Variants in WWOX observed in about 807,000 individuals in gnomAD.
WWOX encodes WW domain-containing oxidoreductase.
WWOX carries 69 observed loss-of-function variants against 46.2 expected under a neutral mutation model. The ratio of observed to expected loss-of-function variants is 1.49; its 90% CI spans 1.23 to 1.82. The LOEUF (loss-of-function observed/expected upper bound fraction) is 1.82. WWOX is among the 40% of genes most tolerant of loss of function. The pLI is 0.00. For synonymous variants in WWOX, 359 were observed against 202.6 expected, an observed-to-expected ratio of 1.77 and a Z score of -6.56; for missense variants, 919 against 542.6, an observed-to-expected ratio of 1.69 and a Z score of -6.89.
At chr16:78,883,098 G>T (rs1177794047) in intron 8 of WWOX, among the ~76,000 whole-genome samples, 2 of 152,160 alleles carry the variant, frequency 1.3e-5, no homozygotes, top group East Asian at 3.9e-4. Context: ...CCAGAAAAGG[G>T]TAGATATTCA....
chr16:78,337,068 A>C (rs1031703586), intron 5 of WWOX, among the ~76,000 whole-genome samples: 1 of 152,154 alleles, frequency 6.6e-6, no homozygotes, highest in African/African-American at 2.4e-5. Context: ...GGTGTCAGCT[A>C]GTGCACCTGA....
At chr16:78,725,276 C>T in intron 8 of WWOX, among the ~76,000 whole-genome samples, 1 of 144,972 alleles carries the variant, frequency 6.9e-6, no homozygotes, top group Non-Finnish European at 1.5e-5. Context: ...CATTCAACTT[C>T]TTTTTCTTTA....
chr16:78,652,247 A>G (rs2046981623), intron 8 of WWOX, among the ~76,000 whole-genome samples: 1 of 151,752 alleles, frequency 6.6e-6, no homozygotes, highest in South Asian at 2.1e-4. Context: ...TGTCACTACT[A>G]AAAATCCAAA....
intron 8 of WWOX, among the ~76,000 whole-genome samples, chr16:78,882,807 G>C (rs1423991308): frequency 6.8e-6 from 1 of 147,784 alleles, no homozygotes. Flanking sequence ...TAAATATAAA[G>C]TTTTTACAAT....
intron 8 of WWOX, among the ~76,000 whole-genome samples, chr16:78,585,564 C>A (rs2045176803): frequency 6.6e-6 from 1 of 152,132 alleles, no homozygotes; most frequent in South Asian, 2.1e-4. Context: ...TCGCTTCCAC[C>A]TTATAGTGGC....
chr16:78,578,425 C>G (rs1369510288), intron 8 of WWOX, among the ~76,000 whole-genome samples: 2 of 148,800 alleles, frequency 1.3e-5, no homozygotes, highest in Non-Finnish European at 3.0e-5. Flanking sequence ...GAGTAGCTGG[C>G]ACTATAGGCG....
chr16:78,504,306 A>G (rs996440687), intron 8 of WWOX, among the ~76,000 whole-genome samples: 3 of 152,204 alleles, frequency 2.0e-5, no homozygotes, highest in African/African-American at 7.2e-5. Flanking sequence ...AAAACAGTAA[A>G]CTAAAGAAGA....
At chr16:78,984,638 A>C (rs920132766) in intron 8 of WWOX, among the ~76,000 whole-genome samples, 2 of 152,240 alleles carry the variant, frequency 1.3e-5, no homozygotes, top group African/African-American at 4.8e-5. Context: ...TTCTGTCTCA[A>C]CTGGTTGATT....
chr16:78,499,654 G>A (rs539243518), intron 8 of WWOX, among the ~76,000 whole-genome samples: 1 of 152,216 alleles, frequency 6.6e-6, no homozygotes, highest in Non-Finnish European at 1.5e-5. Flanking sequence ...TTGTGCCTGC[G>A]ACTCTCTTCC....
chr16:79,075,897 C>G (rs757223674), intron 8 of WWOX, among the ~76,000 whole-genome samples: 7 of 152,096 alleles, frequency 4.6e-5, no homozygotes, highest in Non-Finnish European at 1.0e-4. Context: ...TTTCCTGTTG[C>G]TTTTGACTGT....
At position 78,388,012 on chromosome 16, in the gene WWOX, C is replaced by A. The variant is rs559149361; in HGVS notation, c.605+1064C>A. 3.9e-5 allele frequency among the ~76,000 whole-genome samples: 6 copies of A among 152,136 alleles called. No individual in the cohort carries two copies. In the East Asian group the frequency reaches 1.2e-3, roughly 30 times the overall value. ...TCTTAAACCAGATATTCAAATGGCC[C>A]TGTGGGGAGCTGACACCACACTGCT... On this transcript the variant is annotated intron_variant, in intron 6 of 8. Coordinates refer to ENST00000566780, the MANE Select transcript of WWOX (RefSeq NM_016373.4).
At chr16:79,085,677 G>GA (rs1235784592) in intron 8 of WWOX, among the ~76,000 whole-genome samples, 1 of 152,094 alleles carries the variant, frequency 6.6e-6, no homozygotes, top group African/African-American at 2.4e-5. Context: ...TTAGTACCTA[G>GA]AAAAATGCAT....
intron 8 of WWOX, among the ~76,000 whole-genome samples, chr16:79,109,664 C>T (rs993617425): frequency 2.0e-5 from 3 of 152,094 alleles, no homozygotes; most frequent in Non-Finnish European, 4.4e-5. Context: ...GTATTTCGCT[C>T]CAAGTTTGGT....
intron 5 of WWOX, among the ~76,000 whole-genome samples, chr16:78,333,776 T>C (rs1191600837): frequency 6.6e-6 from 1 of 152,246 alleles, no homozygotes; most frequent in African/African-American, 2.4e-5. Flanking sequence ...CCCAAAGTTT[T>C]GGCTTATTTG....
rs915855122 is a variant in WWOX, at chr16:78,574,736, A to C, written c.1056+141984A>C. ...ACATATGATCTGACTAACAATGTGG[A>C]ATCTGAAAAAACCAAGCTCATAGAA... On this transcript the variant is annotated intron_variant, in intron 8 of 8. Coordinates refer to ENST00000566780, the MANE Select transcript of WWOX (RefSeq NM_016373.4). Among the ~76,000 whole-genome samples the C allele has an allele frequency of 2.0e-5, 3 of 151,564 alleles. No homozygotes were observed. The East Asian group carries it at 5.9e-4, about 30-fold the overall frequency.
intron 5 of WWOX, among the ~76,000 whole-genome samples, chr16:78,287,629 T>A (rs2079790834): frequency 6.6e-6 from 1 of 152,176 alleles, no homozygotes; most frequent in Admixed American, 6.5e-5. Flanking sequence ...TGTTTTCTGA[T>A]GGCTTAACAA....
At chr16:78,754,825 C>T (rs1278318047) in intron 8 of WWOX, among the ~76,000 whole-genome samples, 2 of 152,094 alleles carry the variant, frequency 1.3e-5, no homozygotes, top group Non-Finnish European at 2.9e-5. Context: ...CACGGTTGGG[C>T]CTGGGAGCTG....
intron 5 of WWOX, among the ~76,000 whole-genome samples, chr16:78,290,577 C>T (rs1408381642): frequency 6.6e-6 from 1 of 152,092 alleles, no homozygotes; most frequent in Non-Finnish European, 1.5e-5. Context: ...TAAAAAGCTC[C>T]TTAGTGTAGT....
At chr16:78,928,983 A>G (rs922678638) in intron 8 of WWOX, among the ~76,000 whole-genome samples, 34 of 152,236 alleles carry the variant, frequency 2.2e-4, no homozygotes, top group Admixed American at 3.3e-4. Flanking sequence ...ATGCATATAA[A>G]TGTACATTTC....
Sources: allele counts gnomAD v4.1 joint callset (sites outside exome capture counted in the v4.1 genomes callset), GRCh38; gene constraint gnomAD v4.1.1; transcripts MANE v1.5; gene names NCBI Gene and HGNC (gene_info 2026-07-23, HGNC 2026-07-21).